SCEL: variants seen among roughly 807,000 people sequenced by gnomAD.
SCEL encodes sciellin.
Under a neutral mutation model 117.6 loss-of-function variants are expected in SCEL, and 113 were observed. The observed-to-expected ratio is 0.96, with a 90% CI of 0.83 to 1.12. The LOEUF is 1.12. Among genes scored for constraint, SCEL ranks in the 50% most tolerant of loss-of-function variants. The pLI, the probability that SCEL is intolerant of heterozygous loss-of-function variation, is 0.00. For synonymous variants in SCEL, 270 were observed against 256.2 expected (o/e 1.05, Z -0.51); for missense variants, 785 against 810.8 (o/e 0.97, Z 0.39).
intron 11 of SCEL, among the ~76,000 whole-genome samples, chr13:77,593,056 G>T (rs147773844): frequency 6.1e-4 from 93 of 152,202 alleles, no homozygotes; most frequent in African/African-American, 2.1e-3. Flanking sequence ...AATTGTATCT[G>T]TTGCTTAATG....
intron 1 of SCEL, among the ~76,000 whole-genome samples, chr13:77,541,737 A>G (rs528388178): frequency 1.3e-5 from 2 of 152,196 alleles, no homozygotes; most frequent in South Asian, 2.1e-4. Flanking sequence ...GCTTTCTTGT[A>G]TTTTCCACAT....
intron 12 of SCEL, among the ~76,000 whole-genome samples, chr13:77,594,316 T>G (rs2087096489): frequency 6.6e-6 from 1 of 152,228 alleles, no homozygotes; most frequent in Admixed American, 6.5e-5. Context: ...ACATTCCAGT[T>G]ATTTCTGTTT....
chr13:77,610,449 C>CGT (rs2088569133), intron 22 of SCEL, among the ~76,000 whole-genome samples: 1 of 112,542 alleles, frequency 8.9e-6, no homozygotes, highest in Non-Finnish European at 1.8e-5. Flanking sequence ...AAGACTCCGT[C>CGT]AAAAAAAAAA....
chr13:77,566,635 T>C lies in SCEL; in HGVS notation c.291-1045T>C, dbSNP rs867497012. Among the ~76,000 whole-genome samples, 9 of 152,336 alleles carry C rather than the reference T, an allele frequency of 5.9e-5. No homozygotes were observed. In the South Asian group the frequency reaches 1.9e-3, roughly 32 times the overall value. On this transcript the variant is annotated intron_variant, in intron 5 of 32. Coordinates refer to ENST00000349847, the MANE Select transcript of SCEL (RefSeq NM_144777.3). ...GTAACTTTTTAACAAATCTGCTTCC[T>C]CTCTTCCAAATCTAATGGTTTAACA...
intron 4 of SCEL, among the ~76,000 whole-genome samples, chr13:77,562,988 A>G (rs1000473490): frequency 6.6e-6 from 1 of 152,200 alleles, no homozygotes. Flanking sequence ...TGCTTGCTTT[A>G]TATCATAGGG....
chr13:77,559,338 G>T (rs965157093), intron 3 of SCEL, among the ~76,000 whole-genome samples: 1 of 152,200 alleles, frequency 6.6e-6, no homozygotes, highest in South Asian at 2.1e-4. Context: ...TTGGTACTGA[G>T]TTTCCCACAT....
chr13:77,602,878 A>T, intron 17 of SCEL, 165 bp downstream of exon 17: 1 of 648,718 alleles, frequency 1.5e-6, no homozygotes, highest in Non-Finnish European at 2.6e-6. Context: ...CTAAATTTAC[A>T]TTTACATATA....
intron 32 of SCEL, among the ~76,000 whole-genome samples, chr13:77,643,275 T>C (rs1242258097): frequency 3.3e-5 from 5 of 152,212 alleles, no homozygotes; most frequent in African/African-American, 1.2e-4. Flanking sequence ...TTAAGTTTTC[T>C]ATCCATCTAA....
At chr13:77,580,845 A>G (rs1594011821) in intron 9 of SCEL, among the ~76,000 whole-genome samples, 1 of 152,230 alleles carries the variant, frequency 6.6e-6, no homozygotes, top group Non-Finnish European at 1.5e-5. Flanking sequence ...TTTTCTACAT[A>G]ATTTCTCATC....
chr13:77,624,701 G>A (rs1449919610), intron 27 of SCEL, among the ~76,000 whole-genome samples: 2 of 152,128 alleles, frequency 1.3e-5, no homozygotes, highest in Non-Finnish European at 2.9e-5. Context: ...GCAGGTCCTG[G>A]GTGATGGACA....
chr13:77,586,864 G>T (rs118056325), intron 9 of SCEL, among the ~76,000 whole-genome samples: 3,736 of 152,198 alleles, frequency 0.025, 154 homozygotes, highest in East Asian at 0.13. Flanking sequence ...CTGTGCTTCA[G>T]TGTTTTAATC....
chr13:77,618,906 A>C (rs1335970630), intron 27 of SCEL, among the ~76,000 whole-genome samples: 1 of 152,152 alleles, frequency 6.6e-6, no homozygotes, highest in East Asian at 1.9e-4. Flanking sequence ...TGGGCCCACA[A>C]AATATTACCA....
At position 77,608,050 on chromosome 13, in the gene SCEL, T is replaced by G. The variant is rs745872522; in HGVS notation, c.1158-6T>G. On this transcript the variant is annotated splice_region_variant and splice_polypyrimidine_tract_variant and intron_variant, in intron 19 of 32. Transcript: ENST00000349847. Reference sequence around the variant, plus strand: ...CAATCTTAACCATTTCTTCAATGTTTTAAAGGGGCCAGAGCCTTGATAATC... The same window carrying G: ...CAATCTTAACCATTTCTTCAATGTTGTAAAGGGGCCAGAGCCTTGATAATC... 1.2e-5 allele frequency: 19 copies of G among 1,609,558 alleles called. No homozygotes were observed. Among genetic ancestry groups the G allele is most frequent in the Non-Finnish European group, 1.2e-5 (14 of 1,177,864 alleles).
At position 77,624,100 on chromosome 13, in the gene SCEL, CT is replaced by C. The variant is rs566206052; in HGVS notation, c.1629-3825del. On this transcript the variant is annotated intron_variant, in intron 27 of 32. Transcript: ENST00000349847. ...TTGGCTTGTGGAAAACTTGTCTTCA[CT>C]TTTTTTTTTTTTTTTTTTTTTGAGA... is the stretch of plus-strand genomic sequence containing the variant. 9.8e-3 allele frequency among the ~76,000 whole-genome samples: 1,183 copies of C among 120,342 alleles called. 7 individuals are homozygous for C. The highest frequency in any genetic ancestry group is 0.033 in the African/African-American group (1,024 of 30,890). 78.9% of individuals were successfully genotyped at this position (120,342 alleles called of 152,430 possible).
At chr13:77,601,142 A>G (rs2087654557) in intron 15 of SCEL, among the ~76,000 whole-genome samples, 1 of 146,384 alleles carries the variant, frequency 6.8e-6, no homozygotes, top group Non-Finnish European at 1.5e-5. Flanking sequence ...ACATGGCTAT[A>G]TGAGCTTTCT....
intron 1 of SCEL, among the ~76,000 whole-genome samples, chr13:77,538,304 A>T (rs1042664507): frequency 6.6e-6 from 1 of 151,948 alleles, no homozygotes; most frequent in Non-Finnish European, 1.5e-5. Flanking sequence ...TTTAGTATAG[A>T]CGGGGTTTCA....
rs529989263 is a variant in SCEL at position 77,579,318 on chromosome 13, AATC to A, written c.545+7134_545+7136del. 1.4e-4 allele frequency among the ~76,000 whole-genome samples: 22 copies of A among 152,356 alleles called. No homozygotes were observed. In the East Asian group the frequency reaches 1.9e-3, roughly 13 times the overall value. On this transcript the variant is annotated intron_variant, in intron 9 of 32. Transcript: ENST00000349847. ...AATGGCATCATCTTATAACTCTTTGAATCATCAAGTTAATTTATCCATTGTAGT... is the reference window on the plus strand; with the variant it reads ...AATGGCATCATCTTATAACTCTTTGAATCAAGTTAATTTATCCATTGTAGT...
Position 77,582,862 on chromosome 13 carries a change from T to C in SCEL, c.546-6282T>C, listed in dbSNP as rs527625270. Among the ~76,000 whole-genome samples the C allele has an allele frequency of 2.0e-5, 3 of 152,348 alleles. No homozygotes were observed. In the South Asian group the frequency reaches 6.2e-4, roughly 32 times the overall value. ...AGTTTGTAGTTTTATGTTTGACATA[T>C]AGATGTGTGATCCATTTTGAGTAGA... On this transcript the variant is annotated intron_variant, in intron 9 of 32. Transcript: ENST00000349847.
chr13:77,617,484 TAGTC>T, intron 24 of SCEL, 111 bp from the exon 25 acceptor site: 1 of 599,250 alleles, frequency 1.7e-6, no homozygotes, highest in South Asian at 2.5e-5. Context: ...ATTTCATAGT[TAGTC>T]AATACTAAAA....
Sources: allele counts gnomAD v4.1 joint callset (sites outside exome capture counted in the v4.1 genomes callset), GRCh38; gene constraint gnomAD v4.1.1; transcripts MANE v1.5; gene names NCBI Gene and HGNC (gene_info 2026-07-23, HGNC 2026-07-21).